Variants in GALNTL6 observed in about 807,000 individuals in gnomAD.
GALNTL6 encodes the protein polypeptide N-acetylgalactosaminyltransferase like 6.
GALNTL6 carries 46 observed loss-of-function variants against 73.7 expected under a neutral mutation model. That is an observed-to-expected ratio of 0.62 (90% CI 0.49 to 0.80). GALNTL6 has a LOEUF of 0.80. Among genes scored for constraint, GALNTL6 ranks in the 30% least tolerant of loss-of-function variants. The pLI is 0.00. For missense variants in GALNTL6, 604 were observed against 755.0 expected (o/e 0.80, Z 2.34); for synonymous variants, 259 against 263.7 (o/e 0.98, Z 0.17).
chr4:172,786,614 C>A (rs1739665658), intron 5 of GALNTL6, among the ~76,000 whole-genome samples: 1 of 152,152 alleles, frequency 6.6e-6, no homozygotes, highest in Admixed American at 6.5e-5. Flanking sequence ...GACATCAATT[C>A]TTTCCAAAAC....
At chr4:172,334,996 T>A (rs2111188863) in intron 4 of GALNTL6, among the ~76,000 whole-genome samples, 1 of 152,120 alleles carries the variant, frequency 6.6e-6, no homozygotes, top group Admixed American at 6.5e-5. Flanking sequence ...TTTTTTTTTT[T>A]TTGAGACAGA....
At chr4:172,151,128 T>TATAGATAGACA (rs1430302694) in intron 2 of GALNTL6, among the ~76,000 whole-genome samples, 1 of 152,160 alleles carries the variant, frequency 6.6e-6, no homozygotes, top group Admixed American at 6.6e-5. Flanking sequence ...TGACATCTGG[T>TATAGATAGACA]TACCATTCTA....
chr4:171,913,476 T>G (rs1282233808), intron 2 of GALNTL6, among the ~76,000 whole-genome samples: 1 of 152,236 alleles, frequency 6.6e-6, no homozygotes, highest in Non-Finnish European at 1.5e-5. Context: ...GTTTTGACAC[T>G]TATGGCTAAA....
intron 2 of GALNTL6, among the ~76,000 whole-genome samples, chr4:171,974,478 A>T (rs1217704297): frequency 6.6e-6 from 1 of 152,164 alleles, no homozygotes; most frequent in African/African-American, 2.4e-5. Context: ...TGTAGCATAA[A>T]CACAAAAGAG....
intron 5 of GALNTL6, among the ~76,000 whole-genome samples, chr4:172,503,763 C>T (rs867937451): frequency 6.6e-6 from 1 of 151,320 alleles, no homozygotes; most frequent in Non-Finnish European, 1.5e-5. Flanking sequence ...AACATCAGCA[C>T]AGAGGGCAGA....
At chr4:172,740,227 A>G (rs1540475) in intron 5 of GALNTL6, among the ~76,000 whole-genome samples, 54,605 of 152,046 alleles carry the variant, frequency 0.36, 10,863 homozygotes, top group African/African-American at 0.52. Context: ...AAAAACAGAC[A>G]CCACACCAGG....
chr4:173,022,094 G>GGAAGGAAGGAAAGAAGGAAGGAAGGAAA (rs1753030200), intron 12 of GALNTL6, among the ~76,000 whole-genome samples: 1 of 100,346 alleles, frequency 1.0e-5, no homozygotes, highest in South Asian at 2.9e-4. Context: ...AAGGAAAGAA[G>GGAAGGAAGGAAAGAAGGAAGGAAGGAAA]GAAGGAAGGA....
chr4:172,727,875 G>GT (rs1237352417), intron 5 of GALNTL6, among the ~76,000 whole-genome samples: 2 of 150,302 alleles, frequency 1.3e-5, no homozygotes, highest in Non-Finnish European at 3.0e-5. Context: ...TCTTTTTATT[G>GT]TTTTTTTATT....
At chr4:171,869,587 T>A (rs537923041) in intron 2 of GALNTL6, among the ~76,000 whole-genome samples, 1 of 152,350 alleles carries the variant, frequency 6.6e-6, no homozygotes, top group East Asian at 1.9e-4. Flanking sequence ...ACCTGCTATC[T>A]TGCCTCCCAA....
At chr4:172,282,814 TG>T (rs754723507) in intron 3 of GALNTL6, among the ~76,000 whole-genome samples, 1 of 152,068 alleles carries the variant, frequency 6.6e-6, no homozygotes, top group Non-Finnish European at 1.5e-5. Context: ...TAAAAGGTTA[TG>T]TGGAAGCCAG....
intron 5 of GALNTL6, among the ~76,000 whole-genome samples, chr4:172,741,788 C>T (rs1388256287): frequency 6.6e-6 from 1 of 151,988 alleles, no homozygotes; most frequent in Non-Finnish European, 1.5e-5. Context: ...GACAGTTTCA[C>T]TCTCCGCCTA....
chr4:172,266,311 G>T (rs778677233), intron 3 of GALNTL6: 3 of 152,086 alleles, frequency 2.0e-5, no homozygotes, highest in African/African-American at 7.2e-5. Context: ...CGTGTAGCTT[G>T]TTTGTTCTTT....
intron 3 of GALNTL6, among the ~76,000 whole-genome samples, chr4:172,261,242 TTTG>T (rs1738248099): frequency 6.6e-6 from 1 of 151,540 alleles, no homozygotes; most frequent in South Asian, 2.1e-4. Context: ...CCTGGTTTTT[TTTG>T]TTGTTGACAA....
chr4:172,383,640 G>T (rs1033439544), intron 5 of GALNTL6, among the ~76,000 whole-genome samples: 1 of 152,090 alleles, frequency 6.6e-6, no homozygotes, highest in African/African-American at 2.4e-5. Context: ...GAATAAAAAG[G>T]TGAGAGCAGA....
intron 2 of GALNTL6, among the ~76,000 whole-genome samples, chr4:172,133,075 T>C (rs1297971056): frequency 6.6e-6 from 1 of 152,224 alleles, no homozygotes; most frequent in Non-Finnish European, 1.5e-5. Context: ...TTCAAGTGAC[T>C]AATGAACCAA....
At chr4:172,876,807 AGTGT>A (rs1255233941) in intron 7 of GALNTL6, among the ~76,000 whole-genome samples, 18 of 152,238 alleles carry the variant, frequency 1.2e-4, no homozygotes, top group African/African-American at 4.3e-4. Flanking sequence ...GTTTAAAAAG[AGTGT>A]TTTAACCTGA....
At chr4:173,021,672 G>A (rs1318845300) in intron 12 of GALNTL6, 47 bp downstream of exon 12, 1 of 1,593,762 alleles carries the variant, frequency 6.3e-7, no homozygotes, top group East Asian at 2.2e-5. Context: ...TGTGGTTTAA[G>A]TTATTCTTAC....
intron 2 of GALNTL6, among the ~76,000 whole-genome samples, chr4:172,023,679 A>T (rs1741469479): frequency 1.3e-5 from 2 of 151,940 alleles, no homozygotes; most frequent in Admixed American, 1.3e-4. Flanking sequence ...CCATACTAAT[A>T]CATGTGCTTG....
chr4:171,910,418 A>G (rs879580096), intron 2 of GALNTL6, among the ~76,000 whole-genome samples: 1 of 152,154 alleles, frequency 6.6e-6, no homozygotes, highest in Non-Finnish European at 1.5e-5. Flanking sequence ...TAACAACTGT[A>G]TAATATATAA....
Sources: gnomAD v4.1 joint callset for allele counts (sites outside exome capture counted in the v4.1 genomes callset) on GRCh38, gnomAD v4.1.1 for gene constraint, MANE v1.5 for transcripts, NCBI Gene and HGNC (gene_info 2026-07-23, HGNC 2026-07-21) for gene names.